The following CCNB2 variants were observed in gnomAD, a reference collection of about 807,000 sequenced individuals.
CCNB2 encodes cyclin B2, also known as G2/mitotic-specific cyclin-B2.
CCNB2 carries 39 observed loss-of-function variants against 51.1 expected under a neutral mutation model. The observed-to-expected ratio is 0.76, with a 90% CI of 0.59 to 1.00. CCNB2 has a LOEUF of 1.00. CCNB2 is among the 50% of genes least tolerant of loss of function. CCNB2 has a pLI of 0.00. For synonymous variants in CCNB2, 174 were observed against 165.5 expected (o/e 1.05, Z -0.40); for missense variants, 472 against 470.3 (o/e 1.00, Z -0.03).
intron 3 of CCNB2, among the ~76,000 whole-genome samples, chr15:59,110,240 G>A (rs998173201): frequency 1.3e-5 from 2 of 152,034 alleles, no homozygotes; most frequent in African/African-American, 4.8e-5. Flanking sequence ...TGGCAAAATT[G>A]AGGCCACTGT....
Position 59,107,626 on chromosome 15 carries a change from A to G in CCNB2, c.223A>G (p.Thr75Ala), listed in dbSNP as rs11548098. The change falls in exon 3 of 9, where the codon ACT becomes GCT. Residue 75 changes from threonine to alanine, a missense_variant. Coordinates refer to ENST00000288207, the MANE Select transcript of CCNB2 (RefSeq NM_004701.4). ...TTNVNKQLKP[T>A]ASVKPVQMEK... ...AAATGTCAACAAACAACTGAAACCT[A>G]CTGCTTCTGTCAAACCAGTACAGAT... 1 of 1,614,204 alleles carries G rather than the reference A, an allele frequency of 6.2e-7. No homozygotes were observed. The highest frequency in any genetic ancestry group is 1.1e-5 in the South Asian group (1 of 91,086).
At chr15:59,117,078 G>C in intron 6 of CCNB2, 150 bp from the exon 7 acceptor site, 1 of 979,980 alleles carries the variant, frequency 1.0e-6, no homozygotes, top group Non-Finnish European at 1.5e-6. Context: ...AAGGCCTCAT[G>C]ATCTATGTTT....
At chr15:59,118,508 C>A (rs576178704) in intron 7 of CCNB2, among the ~76,000 whole-genome samples, 3 of 152,170 alleles carry the variant, frequency 2.0e-5, no homozygotes, top group South Asian at 4.1e-4. Flanking sequence ...CATGGCAAAA[C>A]CCCCGTCTCT....
At chr15:59,114,964 T>C in intron 5 of CCNB2, 88 bp downstream of exon 5, 1 of 1,342,738 alleles carries the variant, frequency 7.4e-7, no homozygotes, top group Non-Finnish European at 1.0e-6. Flanking sequence ...TGGGTACTTC[T>C]GAAAAAAAGA....
At position 59,107,322 on chromosome 15, in the gene CCNB2, G is replaced by T. The variant is rs549586410; in HGVS notation, c.25G>T (p.Val9Leu). The T allele has an allele frequency of 8.5e-6, 13 of 1,532,228 alleles. No individual in the cohort carries two copies. The highest frequency in any genetic ancestry group is 7.3e-5 in the African/African-American group (5 of 68,398). 94.9% of individuals were successfully genotyped at this position (1,532,228 alleles called of 1,614,324 possible). A position where few individuals can be genotyped will look rare whatever the true frequency, so the allele number is the denominator to read the frequency against. Residue 9 changes from valine (V) to leucine (L), a missense_variant and splice_region_variant, in exon 2 of 9, where the codon GTG (valine) becomes TTG (leucine). By Grantham distance (32) the Val-to-Leu change is conservative. Coordinates refer to ENST00000288207, the MANE Select transcript of CCNB2 (RefSeq NM_004701.4). MALLRRPT[V>L]SSDLENIDTG... is the part of the protein sequence containing the mutation. ...CATTACTTTTTTTTTTTTTTTTCAGGTGTCCAGTGATTTGGAGAATATTGA... is the reference window on the plus strand; with the variant it reads ...CATTACTTTTTTTTTTTTTTTTCAGTTGTCCAGTGATTTGGAGAATATTGA...
chr15:59,123,690 G>GTT, intron 8 of CCNB2, 63 bp downstream of exon 8: 1 of 777,834 alleles, frequency 1.3e-6, no homozygotes, highest in African/African-American at 2.3e-5. Flanking sequence ...TGTGTATGTT[G>GTT]GGCGGGGGGG....
chr15:59,112,998 C>A (rs1167987152), intron 3 of CCNB2, among the ~76,000 whole-genome samples: 1 of 151,466 alleles, frequency 6.6e-6, no homozygotes, highest in African/African-American at 2.4e-5. Flanking sequence ...CGTGCCACTG[C>A]ACTCCAGCCT....
intron 8 of CCNB2, 77 bp downstream of exon 8, chr15:59,123,704 G>A (rs1290794818): frequency 1.4e-6 from 1 of 728,408 alleles, no homozygotes; most frequent in Non-Finnish European, 2.4e-6. Context: ...GGGGGGGGGC[G>A]GTGTGTGCCG....
intron 7 of CCNB2, 39 bp downstream of exon 7, chr15:59,117,407 T>C (rs201333257): frequency 2.6e-5 from 41 of 1,594,436 alleles, no homozygotes; most frequent in Admixed American, 2.0e-4. Context: ...TTAGGCTATA[T>C]TTTAGTCCTT....
intron 7 of CCNB2, among the ~76,000 whole-genome samples, chr15:59,122,815 C>T (rs1008632161): frequency 3.3e-5 from 5 of 152,162 alleles, no homozygotes; most frequent in Admixed American, 6.5e-5. Flanking sequence ...GGATTATAGG[C>T]GTGAGCCACT....
At chr15:59,120,189 C>G (rs1481451898) in intron 7 of CCNB2, among the ~76,000 whole-genome samples, 2 of 152,142 alleles carry the variant, frequency 1.3e-5, no homozygotes, top group African/African-American at 2.4e-5. Context: ...ATCTTGGATA[C>G]TAAATACCAT....
chr15:59,106,405 C>T (rs2079235788), intron 1 of CCNB2, among the ~76,000 whole-genome samples: 1 of 152,048 alleles, frequency 6.6e-6, no homozygotes, highest in South Asian at 2.1e-4. Flanking sequence ...CTTGAGTTTC[C>T]CTGGCCCCTC....
rs28383562 is a variant in CCNB2 at position 59,124,678 on chromosome 15, C to T, written c.1087-89C>T. ...TCATCAATGTGATCATGATTGTAGC[C>T]GTGGACCTTTGATAATTGTGAGTTA... On this transcript the variant is annotated intron_variant, in intron 8 of 8. Transcript: ENST00000288207. The T allele has an allele frequency of 3.6e-4, 316 of 882,738 alleles. 1 individual carries two copies. The East Asian group carries it at 4.9e-3, about 14-fold the overall frequency. 54.7% of individuals were successfully genotyped at this position (882,738 alleles called of 1,614,324 possible).
chr15:59,112,264 G>GT (rs1184996553), intron 3 of CCNB2, among the ~76,000 whole-genome samples: 7 of 151,894 alleles, frequency 4.6e-5, no homozygotes, highest in African/African-American at 1.2e-4. Flanking sequence ...GTTTTAAACT[G>GT]TTTTTTTGTT....
At chr15:59,105,603 C>T (rs1181520078) in intron 1 of CCNB2, among the ~76,000 whole-genome samples, 3 of 152,226 alleles carry the variant, frequency 2.0e-5, no homozygotes, top group African/African-American at 7.2e-5. Flanking sequence ...GAGCGATCCC[C>T]GAGTGCTCTT....
At chr15:59,108,711 C>T (rs189445575) in intron 3 of CCNB2, among the ~76,000 whole-genome samples, 2 of 152,238 alleles carry the variant, frequency 1.3e-5, no homozygotes, top group African/African-American at 2.4e-5. Flanking sequence ...GTTTGGCTTC[C>T]GATTTGTTGA....
intron 1 of CCNB2, among the ~76,000 whole-genome samples, chr15:59,105,570 G>C (rs1346308586): frequency 6.6e-6 from 1 of 152,222 alleles, no homozygotes; most frequent in Non-Finnish European, 1.5e-5. Flanking sequence ...TGAGCCCCCA[G>C]AGCACTAGGC....
intron 3 of CCNB2, among the ~76,000 whole-genome samples, chr15:59,111,977 A>G (rs145762527): frequency 4.0e-4 from 61 of 150,862 alleles, no homozygotes; most frequent in Middle Eastern, 3.4e-3. Flanking sequence ...TTCAGCCTCC[A>G]AGTAGTTGGG....
At chr15:59,116,097 A>AT (rs1310562587) in intron 5 of CCNB2, 2 of 152,120 alleles carry the variant, frequency 1.3e-5, no homozygotes, top group South Asian at 2.1e-4. Context: ...AAAAAAAAAA[A>AT]GCAATTAAGG....
Sources: gnomAD v4.1 joint callset for allele counts (sites outside exome capture counted in the v4.1 genomes callset) on GRCh38, gnomAD v4.1.1 for gene constraint, MANE v1.5 for transcripts, NCBI Gene and HGNC (gene_info 2026-07-23, HGNC 2026-07-21) for gene names.